STPG2: variants seen among roughly 807,000 people sequenced by gnomAD.
STPG2 encodes sperm tail PG-rich repeat containing 2, also known as sperm-tail PG-rich repeat-containing protein 2.
A neutral mutation model predicts 54.2 loss-of-function variants in STPG2; 56 were observed. The observed-to-expected ratio is 1.03, with a 90% CI of 0.83 to 1.29. The LOEUF (loss-of-function observed/expected upper bound fraction) is 1.29, where lower values mean the gene tolerates loss of function less well. Ranked by LOEUF, STPG2 falls within the 50% of genes most tolerant of loss-of-function variation. The pLI, the probability that STPG2 is intolerant of heterozygous loss-of-function variation, is 0.00. For synonymous variants in STPG2, 200 were observed against 181.8 expected, an observed-to-expected ratio of 1.10 and a Z score of -0.81; for missense variants, 596 against 544.9, an observed-to-expected ratio of 1.09 and a Z score of -0.93.
chr4:97,525,983 T>G (rs1731272499), intron 4 of STPG2, among the ~76,000 whole-genome samples: 1 of 152,042 alleles, frequency 6.6e-6, no homozygotes, highest in African/African-American at 2.4e-5. Flanking sequence ...TTTTCTAACT[T>G]AAAATAAGCA....
rs184324861 is a variant in STPG2, at chr4:97,449,144, A to G, written c.463-261311T>C. Among the ~76,000 whole-genome samples the G allele has an allele frequency of 6.7e-4, 102 of 152,214 alleles. 1 individual carries two copies. The highest frequency in any genetic ancestry group is 1.8e-3 in the African/African-American group (76 of 41,570). On this transcript the variant is annotated intron_variant, in intron 4 of 4. Coordinates refer to the STPG2 transcript ENST00000522676. ...AATGCATATTAAATATTCTTCTAAA[A>G]GTCATATATATTTGGTAGAGGCAAA...
intron 8 of STPG2, among the ~76,000 whole-genome samples, chr4:97,842,315 T>C (rs1279138093): frequency 6.6e-6 from 1 of 151,828 alleles, no homozygotes; most frequent in African/African-American, 2.4e-5. Flanking sequence ...CAAGAGTATA[T>C]ACAGTAAAAC....
At chr4:98,143,018 G>A in intron 1 of STPG2, 24 bp downstream of exon 1, 1 of 1,590,988 alleles carries the variant, frequency 6.3e-7, no homozygotes, top group Non-Finnish European at 8.6e-7. Flanking sequence ...TGTCACAGGA[G>A]CTCTGCCTCT....
intron 4 of STPG2, among the ~76,000 whole-genome samples, chr4:97,506,019 CAA>C (rs59206485): frequency 2.4e-4 from 4 of 16,922 alleles, no homozygotes; most frequent in Admixed American, 6.3e-4. Flanking sequence ...AATAGGAGAC[CAA>C]AAAAAAAAAA....
chr4:97,903,885 T>C (rs1486888769), intron 8 of STPG2, among the ~76,000 whole-genome samples: 2 of 152,168 alleles, frequency 1.3e-5, no homozygotes, highest in Non-Finnish European at 2.9e-5. Flanking sequence ...TACTGCGCTT[T>C]TCCAACGGGC....
At chr4:97,949,272 A>T (rs1286078924) in intron 7 of STPG2, among the ~76,000 whole-genome samples, 1 of 152,046 alleles carries the variant, frequency 6.6e-6, no homozygotes, top group Admixed American at 6.6e-5. Context: ...GCATGGATTA[A>T]CTTTTACCAC....
chr4:97,981,416 T>G, intron 5 of STPG2, 98 bp from the exon 6 acceptor site: 1 of 1,214,304 alleles, frequency 8.2e-7, no homozygotes, highest in Non-Finnish European at 1.1e-6. Flanking sequence ...ACATCTGGAG[T>G]TAATTTATTT....
intron 9 of STPG2, among the ~76,000 whole-genome samples, chr4:97,731,332 C>T (rs904577199): frequency 1.3e-5 from 2 of 152,084 alleles, no homozygotes; most frequent in Admixed American, 6.6e-5. Context: ...GGTGATGTGT[C>T]CTCAAAGAAT....
intron 9 of STPG2, among the ~76,000 whole-genome samples, chr4:97,751,958 T>C (rs756253326): frequency 6.6e-6 from 1 of 151,726 alleles, no homozygotes; most frequent in African/African-American, 2.4e-5. Context: ...GACAATAATA[T>C]GATAATGTTC....
intron 5 of STPG2, among the ~76,000 whole-genome samples, chr4:98,038,298 T>G (rs981712777): frequency 2.0e-5 from 3 of 152,132 alleles, no homozygotes; most frequent in Admixed American, 2.0e-4. Flanking sequence ...TAGGGGATCT[T>G]AGTCCATTTG....
intron 5 of STPG2, among the ~76,000 whole-genome samples, chr4:98,047,029 G>C (rs886178471): frequency 2.0e-5 from 3 of 151,692 alleles, no homozygotes; most frequent in African/African-American, 4.8e-5. Flanking sequence ...TAGGTGTGTA[G>C]TCAAACCCCT....
chr4:97,527,822 C>A (rs950628087), intron 4 of STPG2, among the ~76,000 whole-genome samples: 1 of 152,094 alleles, frequency 6.6e-6, no homozygotes, highest in African/African-American at 2.4e-5. Context: ...TGTTCATATC[C>A]TTCGCCCACT....
chr4:97,786,386 T>C (rs1201469827), intron 9 of STPG2, among the ~76,000 whole-genome samples: 1 of 152,142 alleles, frequency 6.6e-6, no homozygotes, highest in African/African-American at 2.4e-5. Flanking sequence ...TTTCATTAAG[T>C]TCTACTCTAA....
intron 9 of STPG2, among the ~76,000 whole-genome samples, chr4:97,804,191 G>A (rs572463529): frequency 2.0e-4 from 30 of 152,016 alleles, no homozygotes; most frequent in African/African-American, 3.6e-4. Context: ...TTAATCTAAC[G>A]TAATCTACAT....
intron 5 of STPG2, among the ~76,000 whole-genome samples, chr4:98,009,443 G>T (rs1389583898): frequency 1.3e-5 from 2 of 151,862 alleles, no homozygotes; most frequent in African/African-American, 2.4e-5. Context: ...GATTCAAAAA[G>T]ATACTTAATA....
intron 9 of STPG2, among the ~76,000 whole-genome samples, chr4:97,779,823 G>C (rs1221731947): frequency 6.6e-6 from 1 of 152,132 alleles, no homozygotes; most frequent in Non-Finnish European, 1.5e-5. Flanking sequence ...TTCATATCCA[G>C]CCAAACTAAG....
At chr4:98,105,193 C>T (rs1739155334) in intron 5 of STPG2, among the ~76,000 whole-genome samples, 1 of 152,188 alleles carries the variant, frequency 6.6e-6, no homozygotes, top group Admixed American at 6.5e-5. Flanking sequence ...CCTGGAGTCT[C>T]CCTAAATTTA....
intron 5 of STPG2, among the ~76,000 whole-genome samples, chr4:98,044,487 T>C (rs184482042): frequency 7.9e-5 from 12 of 152,316 alleles, no homozygotes; most frequent in African/African-American, 2.9e-4. Flanking sequence ...CACTTACCTT[T>C]CTGCTCTGAG....
At chr4:97,855,549 T>C (rs1001444152) in intron 8 of STPG2, among the ~76,000 whole-genome samples, 1 of 152,166 alleles carries the variant, frequency 6.6e-6, no homozygotes, top group African/African-American at 2.4e-5. Context: ...TAAGTTCCTG[T>C]AGACTCTGGA....
Sources: allele counts gnomAD v4.1 joint callset (sites outside exome capture counted in the v4.1 genomes callset), GRCh38; gene constraint gnomAD v4.1.1; transcripts MANE v1.5; gene names NCBI Gene and HGNC (gene_info 2026-07-23, HGNC 2026-07-21).